The following TMEM272 variants were observed in gnomAD, a reference collection of about 807,000 sequenced individuals.
TMEM272 encodes transmembrane protein 272, also known as long intergenic non-protein coding RNA 282.
Under a neutral mutation model 3.7 loss-of-function variants are expected in TMEM272, and 8 were observed. That is an observed-to-expected ratio of 2.17 (90% confidence interval 1.27 to 3.91). The LOEUF is 3.91. Ranked by LOEUF, TMEM272 falls within the 30% of genes most tolerant of loss-of-function variation. The probability of loss-of-function intolerance (pLI) is 0.00; values close to 1 mark genes in which losing one functional copy is unlikely to be tolerated. For synonymous variants in TMEM272, 63 were observed against 39.8 expected, an observed-to-expected ratio of 1.58 and a Z score of -2.20; for missense variants, 166 against 91.5, an observed-to-expected ratio of 1.81 and a Z score of -3.32.
chr13:51,825,338 G>A (rs1956114946), intron 3 of TMEM272, among the ~76,000 whole-genome samples: 1 of 152,148 alleles, frequency 6.6e-6, no homozygotes, highest in Non-Finnish European at 1.5e-5. Context: ...TTAGTATTGT[G>A]GCTTTAGCAG....
the TMEM272 span, chr13:51,865,915 A>T: frequency 4.3e-6 from 7 of 1,613,964 alleles, no homozygotes; most frequent in Non-Finnish European, 5.9e-6. Context: ...CCCTGTGGGA[A>T]GATAAAACGT....
the TMEM272 span, among the ~76,000 whole-genome samples, chr13:51,906,338 T>C: frequency 2.4e-3 from 363 of 152,238 alleles, no homozygotes; most frequent in African/African-American, 8.4e-3. Context: ...GCTCCACCCT[T>C]GGGCCCAGGG....
chr13:51,865,029 C>T, the TMEM272 span, among the ~76,000 whole-genome samples: 16 of 152,274 alleles, frequency 1.1e-4, no homozygotes, highest in South Asian at 2.7e-3. Flanking sequence ...ATTTAACAAA[C>T]GTAAATTCTT....
chr13:51,912,676 G>A, the TMEM272 span, among the ~76,000 whole-genome samples: 1 of 152,076 alleles, frequency 6.6e-6, no homozygotes, highest in Non-Finnish European at 1.5e-5. Flanking sequence ...CAGACATGTG[G>A]GCTACCAGTG....
the TMEM272 span, among the ~76,000 whole-genome samples, chr13:51,917,785 G>A: frequency 8.9e-3 from 1,362 of 152,284 alleles, 22 homozygotes; most frequent in African/African-American, 0.031. Flanking sequence ...GCAGCTACCC[G>A]ATAAATCACA....
chr13:51,816,678 C>A lies in TMEM272; in HGVS notation c.*73G>T. 6 of 614,732 alleles carry A rather than the reference C, an allele frequency of 9.8e-6. No individual in the cohort carries two copies. Among genetic ancestry groups the A allele is most frequent in the African/African-American group, 1.9e-5 (1 of 51,782 alleles). The allele number at this position is 614,732 out of a possible 1,614,324, so 38.1% of individuals were successfully genotyped here. On this transcript the variant is annotated 3_prime_UTR_variant, in exon 5 of 5. Transcript: ENST00000629372. ...CTGTGTGTGTGTGTGTGTGTGTGTGCGTCTGTGTGTCTGTGTGCACGCGCG... is the reference window on the plus strand; with the variant it reads ...CTGTGTGTGTGTGTGTGTGTGTGTGAGTCTGTGTGTCTGTGTGCACGCGCG...
chr13:51,829,239 C>T (rs1286285217), intron 2 of TMEM272, among the ~76,000 whole-genome samples: 2 of 152,058 alleles, frequency 1.3e-5, no homozygotes, highest in African/African-American at 2.4e-5. Flanking sequence ...TTAAGATGAA[C>T]GGTAAAATAT....
chr13:51,820,629 TCTG>T (rs1464724692), intron 4 of TMEM272, among the ~76,000 whole-genome samples: 4 of 152,206 alleles, frequency 2.6e-5, no homozygotes, highest in African/African-American at 9.7e-5. Flanking sequence ...AAAGGAAAGT[TCTG>T]CTGGGCAGCT....
chr13:51,850,299 T>C, the TMEM272 span, among the ~76,000 whole-genome samples: 2 of 152,234 alleles, frequency 1.3e-5, no homozygotes, highest in African/African-American at 4.8e-5. Context: ...ATAATATTTA[T>C]ACTTGTTTTA....
At chr13:51,908,320 G>A in the TMEM272 span, 16 of 1,092,330 alleles carry the variant, frequency 1.5e-5, no homozygotes, top group South Asian at 2.0e-4. Context: ...TGGGGGTGGG[G>A]GCAAAATCCA....
the TMEM272 span, among the ~76,000 whole-genome samples, chr13:51,884,514 T>C: frequency 6.6e-6 from 1 of 152,222 alleles, no homozygotes; most frequent in Non-Finnish European, 1.5e-5. Flanking sequence ...GTGTGGACTA[T>C]GGTACAGCCT....
At position 51,838,536 on chromosome 13, in the gene TMEM272, T is replaced by C; in HGVS notation, c.-6A>G. 1.4e-6 allele frequency: 1 copy of C among 703,090 alleles called. No individual in the cohort carries two copies. Among genetic ancestry groups the C allele is most frequent in the South Asian group, 1.5e-5 (1 of 67,604 alleles). The allele number at this position is 703,090 out of a possible 1,614,324, so 43.6% of individuals were successfully genotyped here. A position where few individuals can be genotyped will look rare whatever the true frequency, so the allele number is the denominator to read the frequency against. ...TTCTCCAGACCTCCTGGCATTGTTC[T>C]TGCTCGCTGACAAAGTTCTGAGGAT... is the stretch of plus-strand genomic sequence containing the variant. On this transcript the variant is annotated 5_prime_UTR_variant, in exon 2 of 5. Coordinates refer to ENST00000629372, the MANE Select transcript of TMEM272 (RefSeq NM_001351003.2).
chr13:51,859,528 AC>A, the TMEM272 span, among the ~76,000 whole-genome samples: 5 of 151,378 alleles, frequency 3.3e-5, no homozygotes, highest in African/African-American at 1.2e-4. Context: ...ACACACACAC[AC>A]ACACACACAC....
In TMEM272 at chr13:51,822,118, G is replaced by A. The variant is rs1382143741; in HGVS notation, c.138C>T (p.Asp46=). ...MTFIGMKFLE[D]CPIQPLIPLY... Reference sequence around the variant, plus strand: ...AAGGAATGAGGGGCTGTATAGGGCAGTCCTCCAAAAATTTCATTCCTACAT... The same window carrying A: ...AAGGAATGAGGGGCTGTATAGGGCAATCCTCCAAAAATTTCATTCCTACAT... The change falls in exon 4 of 5, where the codon GAC becomes GAT. Residue 46 remains aspartate, a synonymous_variant. Transcript: ENST00000629372. The A allele has an allele frequency of 1.4e-6, 1 of 697,986 alleles. No homozygotes were observed. Among genetic ancestry groups the A allele is most frequent in the Admixed American group, 2.1e-5 (1 of 48,772 alleles). The allele number at this position is 697,986 out of a possible 1,614,324, so 43.2% of individuals were successfully genotyped here.
rs747019766 is a variant in TMEM272, at chr13:51,815,921, A to G, written c.*830T>C. The G allele has an allele frequency of 2.0e-5, 3 of 152,274 alleles. No homozygotes were observed. Among genetic ancestry groups the G allele is most frequent in the Non-Finnish European group, 2.9e-5 (2 of 68,072 alleles). 9.4% of individuals were successfully genotyped at this position (152,274 alleles called of 1,614,324 possible). A position where few individuals can be genotyped will look rare whatever the true frequency, so the allele number is the denominator to read the frequency against. ...AAAACAGCTACACTGACGGCACCCC[A>G]ACTCATGCAACCTGTCCAGAAACAT... On this transcript the variant is annotated 3_prime_UTR_variant, in exon 5 of 5. Coordinates refer to ENST00000629372, the MANE Select transcript of TMEM272 (RefSeq NM_001351003.2).
the TMEM272 span, among the ~76,000 whole-genome samples, chr13:51,916,493 T>C: frequency 6.6e-6 from 1 of 152,220 alleles, no homozygotes; most frequent in Non-Finnish European, 1.5e-5. Context: ...ATCAACGCAT[T>C]CTTCCCTTAT....
At chr13:51,820,836 A>G (rs1956072372) in intron 4 of TMEM272, among the ~76,000 whole-genome samples, 1 of 152,176 alleles carries the variant, frequency 6.6e-6, no homozygotes, top group African/African-American at 2.4e-5. Context: ...GGTAGATCCC[A>G]TGGGGATGTT....
At chr13:51,832,678 C>T (rs58986039) in intron 2 of TMEM272, among the ~76,000 whole-genome samples, 1,829 of 152,278 alleles carry the variant, frequency 0.012, 33 homozygotes, top group African/African-American at 0.042. Flanking sequence ...CCCCTCTTCT[C>T]CAGCCCTGCA....
At chr13:51,902,193 C>A in the TMEM272 span, among the ~76,000 whole-genome samples, 1 of 152,168 alleles carries the variant, frequency 6.6e-6, no homozygotes, top group Admixed American at 6.5e-5. Context: ...ATGTAAAAAT[C>A]AAGAGAAGCA....
Sources: allele counts gnomAD v4.1 joint callset (sites outside exome capture counted in the v4.1 genomes callset), GRCh38; gene constraint gnomAD v4.1.1; transcripts MANE v1.5; gene names NCBI Gene and HGNC (gene_info 2026-07-23, HGNC 2026-07-21).